The following ANAPC1 variants were observed in gnomAD, a reference collection of about 807,000 sequenced individuals.
ANAPC1 encodes the protein anaphase-promoting complex subunit 1.
Under a neutral mutation model 208.0 loss-of-function variants are expected in ANAPC1, and 36 were observed. That is an observed-to-expected ratio of 0.17 (90% CI 0.13 to 0.23). The LOEUF is 0.23. Among genes scored for constraint, ANAPC1 ranks in the 10% least tolerant of loss-of-function variants. ANAPC1 has a pLI of 1.00. For missense variants in ANAPC1, 942 were observed against 2,011.6 expected, an observed-to-expected ratio of 0.47 and a Z score of 10.17; for synonymous variants, 378 against 695.2, an observed-to-expected ratio of 0.54 and a Z score of 7.18.
At chr2:111,864,236 G>C (rs111430054) in intron 8 of ANAPC1, among the ~76,000 whole-genome samples, 5,627 of 151,758 alleles carry the variant, frequency 0.037, 159 homozygotes, top group Middle Eastern at 0.058. Flanking sequence ...TGAGGCAGGA[G>C]GATCACTTGA....
chr2:111,819,282 T>C, intron 26 of ANAPC1: 1 of 982,878 alleles, frequency 1.0e-6, no homozygotes, highest in Non-Finnish European at 1.2e-6. Flanking sequence ...CTCCGATGGA[T>C]GCTAACCTTC....
intron 15 of ANAPC1, among the ~76,000 whole-genome samples, 188 bp downstream of exon 15, chr2:111,847,537 T>C (rs1459741321): frequency 2.6e-5 from 4 of 152,200 alleles, no homozygotes; most frequent in Non-Finnish European, 5.9e-5. Context: ...TTTTTAATAA[T>C]ACAGAAACTG....
At chr2:111,807,985 A>C (rs1573366947) in intron 29 of ANAPC1, among the ~76,000 whole-genome samples, 1 of 149,820 alleles carries the variant, frequency 6.7e-6, no homozygotes, top group Non-Finnish European at 1.5e-5. Context: ...CTTTGGGAAT[A>C]ATTTCATTTA....
At chr2:111,791,059 T>A (rs1250914050) in intron 38 of ANAPC1, among the ~76,000 whole-genome samples, 1 of 152,280 alleles carries the variant, frequency 6.6e-6, no homozygotes, top group Non-Finnish European at 1.5e-5. Flanking sequence ...TTTTATGTTA[T>A]GTGTATTTTA....
chr2:111,852,844 T>G (rs11681369), intron 13 of ANAPC1, among the ~76,000 whole-genome samples: 104,340 of 151,512 alleles, frequency 0.69, 36,227 homozygotes, highest in African/African-American at 0.78. Context: ...TTGCCAGGCT[T>G]GATGTGGTGG....
At chr2:111,841,908 G>A (rs563191302) in intron 17 of ANAPC1, among the ~76,000 whole-genome samples, 1 of 152,080 alleles carries the variant, frequency 6.6e-6, no homozygotes, top group Admixed American at 6.6e-5. Context: ...GCTGGCAAAG[G>A]TTCACCACAC....
At chr2:111,815,146 G>GAAAAA (rs1223576868) in intron 28 of ANAPC1, among the ~76,000 whole-genome samples, 6 of 68,512 alleles carry the variant, frequency 8.8e-5, no homozygotes, top group Non-Finnish European at 1.2e-4. Flanking sequence ...CTTACTCAAG[G>GAAAAA]AAAAAAAAAA....
chr2:111,810,485 A>G (rs181616689), intron 28 of ANAPC1, among the ~76,000 whole-genome samples: 5,936 of 152,160 alleles, frequency 0.039, 263 homozygotes, highest in African/African-American at 0.1. Flanking sequence ...TTATATATTT[A>G]TATAAATAAA....
At chr2:111,775,398 C>T (rs186867494) in intron 46 of ANAPC1, among the ~76,000 whole-genome samples, 450 of 152,314 alleles carry the variant, frequency 3.0e-3, no homozygotes, top group African/African-American at 0.01. Context: ...ACATATGCAT[C>T]TGTGATTTTT....
intron 13 of ANAPC1, 144 bp downstream of exon 13, chr2:111,856,470 G>GAGAATTA: frequency 1.2e-6 from 1 of 825,194 alleles, no homozygotes; most frequent in Non-Finnish European, 1.9e-6. Context: ...AAGCTTCACT[G>GAGAATTA]AGAATTATTA....
In ANAPC1 at chr2:111,833,447, T is replaced by C. The variant is rs184882888; in HGVS notation, c.2385-136A>G. The C allele has an allele frequency of 5.8e-5, 77 of 1,323,824 alleles. No homozygotes were observed. In the East Asian group the frequency reaches 1.9e-3, roughly 33 times the overall value. 82.0% of individuals were successfully genotyped at this position (1,323,824 alleles called of 1,614,324 possible). On this transcript the variant is annotated intron_variant, in intron 19 of 47. Coordinates refer to ENST00000341068, the MANE Select transcript of ANAPC1 (RefSeq NM_022662.4). ...GATAACCAAATCTAGAGTCTCTCTA[T>C]TGTATTTTTGGACTTTAAAGTGCCC...
intron 21 of ANAPC1, among the ~76,000 whole-genome samples, chr2:111,828,060 T>C (rs1464773857): frequency 6.6e-6 from 1 of 152,134 alleles, no homozygotes; most frequent in Admixed American, 6.6e-5. Flanking sequence ...CACATTAATA[T>C]CTAGAGCATA....
At position 111,862,410 on chromosome 2, in the gene ANAPC1, G is replaced by C. The variant is rs1028367169; in HGVS notation, c.1241C>G (p.Thr414Arg). 2 of 1,588,512 alleles carry C rather than the reference G, an allele frequency of 1.3e-6. No individual in the cohort carries two copies. The highest frequency in any genetic ancestry group is 2.7e-5 in the African/African-American group (2 of 73,848). The change falls in exon 10 of 48, where the codon ACA becomes AGA. Residue 414 changes from threonine to arginine, a missense_variant. By Grantham distance (71) the Thr-to-Arg change is moderately conservative. Transcript: ENST00000341068. ...AAACCTTATATTAGTAATCGTTTCT[G>C]TCCACAAATGGTCAATACACAGTTC... ...VPELCIDHLW[T>R]ETITNIREKN... is the part of the protein sequence containing the mutation.
At chr2:111,805,541 T>TA (rs572859612) in intron 30 of ANAPC1, among the ~76,000 whole-genome samples, 40 of 32,792 alleles carry the variant, frequency 1.2e-3, no homozygotes, top group South Asian at 1.4e-3. Context: ...TTGAACGCTT[T>TA]AAAAAAAAAA....
intron 42 of ANAPC1, 127 bp from the exon 43 acceptor site, chr2:111,782,634 T>C: frequency 1.2e-6 from 1 of 838,168 alleles, no homozygotes; most frequent in Non-Finnish European, 1.8e-6. Context: ...TAAATGATTA[T>C]TTACTGTGTC....
intron 37 of ANAPC1, among the ~76,000 whole-genome samples, chr2:111,793,197 A>T (rs1413348319): frequency 8.6e-5 from 13 of 152,038 alleles, no homozygotes; most frequent in Admixed American, 7.2e-4. Flanking sequence ...GACCTATTAC[A>T]AGCAAGCTTC....
At position 111,825,165 on chromosome 2, in the gene ANAPC1, G is replaced by A. The variant is rs1679765922; in HGVS notation, c.2707C>T (p.Pro903Ser). Reference protein sequence around the residue: ...SQYLTRITIAPQKLQVEQEEN... With the variant: ...SQYLTRITIASQKLQVEQEEN... ...TCTTGTTCTACTTGCAACTTCTGGGGGGCTAAAAGGCAACAAAATGAAACT... is the reference window on the plus strand; with the variant it reads ...TCTTGTTCTACTTGCAACTTCTGGGAGGCTAAAAGGCAACAAAATGAAACT... The change falls in exon 23 of 48, where the codon CCC (proline) becomes TCC (serine). Residue 903 changes from proline to serine, a missense_variant and splice_region_variant. By Grantham distance (74) the Pro-to-Ser change is moderately conservative. Coordinates refer to ENST00000341068, the MANE Select transcript of ANAPC1 (RefSeq NM_022662.4). The A allele has an allele frequency of 1.2e-6, 2 of 1,610,504 alleles. No homozygotes were observed. Among genetic ancestry groups the A allele is most frequent in the African/African-American group, 2.7e-5 (2 of 74,198 alleles).
intron 46 of ANAPC1, among the ~76,000 whole-genome samples, chr2:111,773,283 T>C (rs2104463706): frequency 6.6e-6 from 1 of 152,262 alleles, no homozygotes; most frequent in Admixed American, 6.5e-5. Context: ...TAGAAGCAAC[T>C]CTATTCTTCC....
chr2:111,862,338 C>T (rs1338037117), intron 10 of ANAPC1, 51 bp downstream of exon 10: 2 of 1,405,046 alleles, frequency 1.4e-6, no homozygotes, highest in African/African-American at 1.5e-5. Context: ...ATATATTTCC[C>T]AAGACTTTCA....
Sources: gnomAD v4.1 joint callset for allele counts (sites outside exome capture counted in the v4.1 genomes callset) on GRCh38, gnomAD v4.1.1 for gene constraint, MANE v1.5 for transcripts, NCBI Gene and HGNC (gene_info 2026-07-23, HGNC 2026-07-21) for gene names.